Variants in PPP1R14C observed in about 807,000 individuals in gnomAD.
PPP1R14C encodes the protein protein phosphatase 1 regulatory subunit 14C.
A neutral mutation model predicts 20.4 loss-of-function variants in PPP1R14C; 16 were observed. The observed-to-expected ratio is 0.78, with a 90% CI of 0.53 to 1.19. The LOEUF (loss-of-function observed/expected upper bound fraction) is 1.19, where lower values mean the gene tolerates loss of function less well. Among genes scored for constraint, PPP1R14C ranks in the 50% most tolerant of loss-of-function variants. PPP1R14C has a pLI of 0.00. For synonymous variants in PPP1R14C, 91 were observed against 91.0 expected (o/e 1.00, Z 0.00); for missense variants, 211 against 220.1 (o/e 0.96, Z 0.26).
intron 1 of PPP1R14C, among the ~76,000 whole-genome samples, chr6:150,160,238 C>T (rs1024376743): frequency 6.8e-6 from 1 of 146,070 alleles, no homozygotes; most frequent in East Asian, 2.1e-4. Flanking sequence ...GGAAGAAAAT[C>T]ACTATGTGTA....
intron 3 of PPP1R14C, among the ~76,000 whole-genome samples, chr6:150,236,929 C>T (rs1055720163): frequency 2.6e-5 from 4 of 152,026 alleles, no homozygotes; most frequent in African/African-American, 7.3e-5. Context: ...ATTTTCTCAG[C>T]GGTTAGAGTC....
At chr6:150,194,791 G>T (rs1363048756) in intron 1 of PPP1R14C, 1 of 985,242 alleles carries the variant, frequency 1.0e-6, no homozygotes, top group African/African-American at 1.7e-5. Context: ...CTGCTTGGGG[G>T]TTGATGTTTG....
At chr6:150,222,085 C>T (rs770601364) in intron 3 of PPP1R14C, among the ~76,000 whole-genome samples, 2 of 148,734 alleles carry the variant, frequency 1.3e-5, no homozygotes, top group Admixed American at 6.6e-5. Context: ...AGGTATGAGC[C>T]GCCAAGCCTG....
rs111700072 is a variant in PPP1R14C, at chr6:150,232,516, A to G, written c.423+15660A>G. ...TTCGTGACTGTAAGGTCTTAAATAC[A>G]GTCTTCCTTGTATTTGGCTTTGAAA... is the stretch of plus-strand genomic sequence containing the variant. On this transcript the variant is annotated intron_variant, in intron 3 of 3. Transcript: ENST00000361131. Among the ~76,000 whole-genome samples, 522 of 152,366 alleles carry G rather than the reference A, an allele frequency of 3.4e-3. 1 individual carries two copies. The highest frequency in any genetic ancestry group is 6.8e-3 in the Middle Eastern group (2 of 294).
intron 1 of PPP1R14C, among the ~76,000 whole-genome samples, chr6:150,210,396 A>G (rs1035341707): frequency 2.0e-5 from 3 of 151,964 alleles, no homozygotes; most frequent in Non-Finnish European, 4.4e-5. Context: ...ATTCCTCCCT[A>G]TTATCACTAT....
At chr6:150,180,650 C>A (rs947913279) in intron 1 of PPP1R14C, among the ~76,000 whole-genome samples, 5 of 152,104 alleles carry the variant, frequency 3.3e-5, no homozygotes, top group Admixed American at 6.6e-5. Flanking sequence ...TTGTTTTAGG[C>A]ATGTGTCTTG....
At chr6:150,229,073 A>C (rs1320304042) in intron 3 of PPP1R14C, among the ~76,000 whole-genome samples, 1 of 152,154 alleles carries the variant, frequency 6.6e-6, no homozygotes, top group African/African-American at 2.4e-5. Flanking sequence ...ACAGCTCTAC[A>C]CTCTCTTCCT....
chr6:150,196,095 A>T, intron 1 of PPP1R14C: 1 of 985,400 alleles, frequency 1.0e-6, no homozygotes, highest in Non-Finnish European at 1.2e-6. Context: ...CCCTTTCTAT[A>T]AATAGGAGCA....
At chr6:150,194,689 A>C in intron 1 of PPP1R14C, 1 of 985,444 alleles carries the variant, frequency 1.0e-6, no homozygotes, top group Non-Finnish European at 1.2e-6. Flanking sequence ...TCCTTGGTGA[A>C]TCTGATAAAA....
At chr6:150,190,512 C>T (rs752338511) in intron 1 of PPP1R14C, among the ~76,000 whole-genome samples, 6 of 151,518 alleles carry the variant, frequency 4.0e-5, no homozygotes, top group Non-Finnish European at 8.8e-5. Context: ...CTGTAACCTC[C>T]GCCTCCCAGG....
intron 3 of PPP1R14C, among the ~76,000 whole-genome samples, chr6:150,219,706 A>C (rs1056192817): frequency 2.0e-5 from 3 of 152,066 alleles, no homozygotes; most frequent in African/African-American, 7.2e-5. Flanking sequence ...TTATGTTTTA[A>C]ATTATTCTAC....
chr6:150,248,508 G>A (rs2114937366), intron 3 of PPP1R14C, among the ~76,000 whole-genome samples: 1 of 152,340 alleles, frequency 6.6e-6, no homozygotes, highest in African/African-American at 2.4e-5. Flanking sequence ...TGTCAGTAGT[G>A]AAAGTAGCCT....
chr6:150,225,407 A>C (rs1436118758), intron 3 of PPP1R14C, among the ~76,000 whole-genome samples: 1 of 152,162 alleles, frequency 6.6e-6, no homozygotes, highest in Admixed American at 6.6e-5. Context: ...ATTCCAGTTC[A>C]AGTTTTTCTA....
At chr6:150,183,974 C>T (rs192153131) in intron 1 of PPP1R14C, among the ~76,000 whole-genome samples, 15 of 152,278 alleles carry the variant, frequency 9.9e-5, no homozygotes, top group Non-Finnish European at 1.9e-4. Context: ...ACATATTTCC[C>T]AAGTTTTAAG....
At chr6:150,175,232 C>T (rs1777548774) in intron 1 of PPP1R14C, among the ~76,000 whole-genome samples, 1 of 152,094 alleles carries the variant, frequency 6.6e-6, no homozygotes, top group Non-Finnish European at 1.5e-5. Context: ...CCCATTGTAG[C>T]GATGGAACCA....
intron 1 of PPP1R14C, among the ~76,000 whole-genome samples, chr6:150,172,541 G>A (rs1209843601): frequency 1.3e-5 from 2 of 152,194 alleles, no homozygotes; most frequent in Non-Finnish European, 2.9e-5. Flanking sequence ...GCATCACTGG[G>A]TGTGTGACTT....
At chr6:150,223,014 C>T (rs1414389674) in intron 3 of PPP1R14C, among the ~76,000 whole-genome samples, 1 of 152,014 alleles carries the variant, frequency 6.6e-6, no homozygotes, top group Non-Finnish European at 1.5e-5. Context: ...GGTGATGTGC[C>T]CACCTCAGAC....
At chr6:150,204,272 G>C (rs150894830) in intron 1 of PPP1R14C, among the ~76,000 whole-genome samples, 2 of 152,202 alleles carry the variant, frequency 1.3e-5, no homozygotes, top group Non-Finnish European at 2.9e-5. Context: ...CGACTTTCTC[G>C]TCACGGGGGC....
At chr6:150,192,643 C>G (rs935525114) in intron 1 of PPP1R14C, among the ~76,000 whole-genome samples, 1 of 152,206 alleles carries the variant, frequency 6.6e-6, no homozygotes, top group African/African-American at 2.4e-5. Flanking sequence ...CAAAACACCC[C>G]CCAAATCTCA....
Sources: gnomAD v4.1 joint callset for allele counts (sites outside exome capture counted in the v4.1 genomes callset) on GRCh38, gnomAD v4.1.1 for gene constraint, MANE v1.5 for transcripts, NCBI Gene and HGNC (gene_info 2026-07-23, HGNC 2026-07-21) for gene names.